IL6ST: variants seen among roughly 807,000 people sequenced by gnomAD.
IL6ST encodes the protein interleukin 6 cytokine family signal transducer, also known as interleukin-6 receptor subunit beta.
In IL6ST, 24 loss-of-function variants were observed where a neutral mutation model predicts 91.3. The ratio of observed to expected loss-of-function variants is 0.26; its 90% CI spans 0.19 to 0.37. The LOEUF (loss-of-function observed/expected upper bound fraction) is 0.37. Among genes scored for constraint, IL6ST ranks in the 10% least tolerant of loss-of-function variants. IL6ST has a pLI of 1.00. For missense variants in IL6ST, 914 were observed against 1,078.5 expected (o/e 0.85, Z 2.14); for synonymous variants, 351 against 373.6 (o/e 0.94, Z 0.70).
intron 4 of IL6ST, among the ~76,000 whole-genome samples, chr5:55,969,162 G>A (rs540363575): frequency 2.8e-4 from 43 of 150,938 alleles, no homozygotes; most frequent in Non-Finnish European, 4.3e-4. Flanking sequence ...ACTCCAGCCT[G>A]GGTGACAGAG....
Position 55,935,308 on chromosome 5 carries a change from A to G in IL6ST, c.*5774T>C. 1 of 195,352 alleles carries G rather than the reference A, an allele frequency of 5.1e-6. No homozygotes were observed. Among genetic ancestry groups the G allele is most frequent in the Non-Finnish European group, 1.1e-5 (1 of 93,910 alleles). The allele number at this position is 195,352 out of a possible 1,614,324, so 12.1% of individuals were successfully genotyped here. A position where few individuals can be genotyped will look rare whatever the true frequency, so the allele number is the denominator to read the frequency against. On this transcript the variant is annotated 3_prime_UTR_variant, in exon 17 of 17. Coordinates refer to ENST00000381298, the MANE Select transcript of IL6ST (RefSeq NM_002184.4). ...TTTTGACATGTAAAATGACATAACC[A>G]TAGTCACAGGGAATAAAGAATCAGG...
intron 8 of IL6ST, among the ~76,000 whole-genome samples, chr5:55,959,872 T>C (rs932401149): frequency 4.6e-5 from 7 of 151,954 alleles, no homozygotes; most frequent in African/African-American, 1.7e-4. Flanking sequence ...TGTATCTAAG[T>C]CACCATTCCA....
At chr5:55,948,213 G>T (rs1265973653) in intron 14 of IL6ST, among the ~76,000 whole-genome samples, 1 of 152,128 alleles carries the variant, frequency 6.6e-6, no homozygotes, top group Non-Finnish European at 1.5e-5. Context: ...ACAAGCCTAA[G>T]ATCCCTAAAT....
intron 1 of IL6ST, among the ~76,000 whole-genome samples, chr5:55,985,165 A>G (rs1432469662): frequency 6.6e-6 from 1 of 152,180 alleles, no homozygotes; most frequent in African/African-American, 2.4e-5. Flanking sequence ...TAATTTTAAT[A>G]AAGTTCAATT....
At chr5:55,990,124 G>C (rs890079299) in intron 1 of IL6ST, among the ~76,000 whole-genome samples, 5 of 152,112 alleles carry the variant, frequency 3.3e-5, no homozygotes, top group African/African-American at 1.2e-4. Context: ...AGTGCTGAAA[G>C]GAATGAATCT....
intron 14 of IL6ST, among the ~76,000 whole-genome samples, chr5:55,947,798 T>C (rs1052167701): frequency 2.0e-5 from 3 of 152,162 alleles, no homozygotes; most frequent in African/African-American, 2.4e-5. Context: ...TTATGTCTTA[T>C]ACATTAACCT....
At chr5:55,951,787 T>A (rs1034582973) in intron 13 of IL6ST, 142 bp downstream of exon 13, 2 of 771,338 alleles carry the variant, frequency 2.6e-6, no homozygotes, top group East Asian at 5.4e-5. Flanking sequence ...AATAAATCCA[T>A]GAAAGTAACC....
At chr5:55,959,960 A>G (rs1752211627) in intron 8 of IL6ST, among the ~76,000 whole-genome samples, 2 of 141,492 alleles carry the variant, frequency 1.4e-5, no homozygotes, top group South Asian at 4.2e-4. Context: ...ACCTTGGCTC[A>G]CTGCAACCTC....
rs1413474808 is a variant in IL6ST at position 55,941,417 on chromosome 5, T to C, written c.2422A>G (p.Ile808Val). The change falls in exon 17 of 17, where the codon ATT (isoleucine) becomes GTT (valine). Residue 808 changes from isoleucine to valine, a missense_variant. Coordinates refer to ENST00000381298, the MANE Select transcript of IL6ST (RefSeq NM_002184.4). ...LVDHVDGGDG[I>V]LPRQQYFKQN... is the part of the protein sequence containing the mutation. Reference sequence around the variant, plus strand: ...TTGAAGTACTGTTGCCTGGGCAAAATACCATCACCGCCATCTACATGATCT... The same window carrying C: ...TTGAAGTACTGTTGCCTGGGCAAAACACCATCACCGCCATCTACATGATCT... 2 of 1,614,058 alleles carry C rather than the reference T, an allele frequency of 1.2e-6. No homozygotes were observed. Among genetic ancestry groups the C allele is most frequent in the Non-Finnish European group, 1.7e-6 (2 of 1,180,024 alleles).
Position 55,963,488 on chromosome 5 carries a change from T to C in IL6ST, c.677A>G (p.His226Arg). ...PVYKVKPNPPHNLSVINSEEL... is the reference protein window; with the variant it reads ...PVYKVKPNPPRNLSVINSEEL... Reference sequence around the variant, plus strand: ...CTCTGAGTTGATCACTGATAAATTATGTGGCGGATTGGGCTTCACTGAAAA... The same window carrying C: ...CTCTGAGTTGATCACTGATAAATTACGTGGCGGATTGGGCTTCACTGAAAA... Residue 226 changes from histidine to arginine, a missense_variant, in exon 7 of 17, where the codon CAT becomes CGT. By Grantham distance (29) the His-to-Arg change is conservative. Coordinates refer to ENST00000381298, the MANE Select transcript of IL6ST (RefSeq NM_002184.4). 1.2e-6 allele frequency: 2 copies of C among 1,608,206 alleles called. No homozygotes were observed. Among genetic ancestry groups the C allele is most frequent in the East Asian group, 2.2e-5 (1 of 44,732 alleles).
chr5:55,980,358 T>G (rs1247418871), intron 2 of IL6ST, among the ~76,000 whole-genome samples: 1 of 152,206 alleles, frequency 6.6e-6, no homozygotes, highest in African/African-American at 2.4e-5. Flanking sequence ...CAGACCAGCC[T>G]GGCCTACATG....
chr5:55,979,789 T>C (rs138840514), intron 2 of IL6ST, among the ~76,000 whole-genome samples: 15 of 152,350 alleles, frequency 9.8e-5, no homozygotes, highest in Admixed American at 8.5e-4. Context: ...TTCTACTTTA[T>C]TTTATCCTAC....
intron 3 of IL6ST, among the ~76,000 whole-genome samples, chr5:55,972,373 G>A (rs867618594): frequency 8.6e-5 from 13 of 151,970 alleles, no homozygotes; most frequent in African/African-American, 2.9e-4. Flanking sequence ...TTAGCCGGGC[G>A]TGGTGGCGGG....
chr5:55,976,025 A>G (rs1232028575), intron 3 of IL6ST, among the ~76,000 whole-genome samples, 190 bp downstream of exon 3: 1 of 151,938 alleles, frequency 6.6e-6, no homozygotes, highest in Non-Finnish European at 1.5e-5. Flanking sequence ...TGACTGTTAC[A>G]ACTCAAATTA....
intron 2 of IL6ST, among the ~76,000 whole-genome samples, chr5:55,980,713 A>G (rs1224945508): frequency 1.3e-5 from 2 of 152,204 alleles, no homozygotes; most frequent in Non-Finnish European, 2.9e-5. Flanking sequence ...TAAAATTATT[A>G]AAGACAAAAT....
At chr5:55,994,048 C>CAAAAA (rs34900510) in intron 1 of IL6ST, 74 of 57,654 alleles carry the variant, frequency 1.3e-3, no homozygotes, top group Non-Finnish European at 1.7e-3. Context: ...CTTCTGAAGG[C>CAAAAA]AAAAAAAAAA....
At chr5:55,989,340 G>A (rs1047773139) in intron 1 of IL6ST, among the ~76,000 whole-genome samples, 2 of 151,856 alleles carry the variant, frequency 1.3e-5, no homozygotes, top group African/African-American at 2.4e-5. Flanking sequence ...AATAGTATTG[G>A]GACAACTGGC....
At chr5:55,954,047 C>T (rs1751809786) in intron 11 of IL6ST, among the ~76,000 whole-genome samples, 1 of 151,964 alleles carries the variant, frequency 6.6e-6, no homozygotes, top group African/African-American at 2.4e-5. Context: ...TCCTAAGCTC[C>T]ACCATGTTTT....
chr5:55,985,834 T>C (rs933787515), intron 1 of IL6ST, among the ~76,000 whole-genome samples: 10 of 152,208 alleles, frequency 6.6e-5, no homozygotes, highest in African/African-American at 2.4e-4. Flanking sequence ...GTAAATATTC[T>C]AGGTTTGTGA....
Sources: gnomAD v4.1 joint callset for allele counts (sites outside exome capture counted in the v4.1 genomes callset) on GRCh38, gnomAD v4.1.1 for gene constraint, MANE v1.5 for transcripts, NCBI Gene and HGNC (gene_info 2026-07-23, HGNC 2026-07-21) for gene names.